ICA1: variants seen among roughly 807,000 people sequenced by gnomAD.
The protein encoded by ICA1 is islet cell autoantigen 1.
Under a neutral mutation model 71.0 loss-of-function variants are expected in ICA1, and 40 were observed. The observed-to-expected ratio is 0.56, with a 90% CI of 0.44 to 0.73. ICA1 has a LOEUF of 0.73. Ranked by LOEUF, ICA1 falls within the 30% of genes least tolerant of loss-of-function variation. ICA1 has a pLI of 0.00. For missense variants in ICA1, 578 were observed against 576.5 expected (o/e 1.00, Z -0.03); for synonymous variants, 207 against 209.5 (o/e 0.99, Z 0.10).
At chr7:8,136,094 T>C (rs1192734924) in intron 12 of ICA1, among the ~76,000 whole-genome samples, 1 of 152,220 alleles carries the variant, frequency 6.6e-6, no homozygotes, top group Non-Finnish European at 1.5e-5. Context: ...ATATTGGTTT[T>C]CCATTATATT....
Position 8,143,893 on chromosome 7 carries a change from G to A in ICA1, c.884C>T (p.Ala295Val), listed in dbSNP as rs201144120. The stretch of plus-strand genomic sequence containing the variant: ...GACTTACTGGCTCGGCTCCTGCACG[G>A]CTGCATCTGTACTTTCCTGCTGGTT... ...KINQQESTDA[A>V]VQEPSQLISL... Residue 295 changes from alanine to valine, a missense_variant, in exon 9 of 14, where the codon GCC (alanine) becomes GTC (valine). Physicochemically the swap from Ala to Val is moderately conservative, Grantham distance 64 (BLOSUM62 0). Transcript: ENST00000402384. 22 of 1,609,834 alleles carry A rather than the reference G, an allele frequency of 1.4e-5. No individual in the cohort carries two copies. In the Admixed American group the frequency reaches 1.5e-4, roughly 11 times the overall value.
chr7:8,240,560 C>T (rs1171003314), intron 1 of ICA1, among the ~76,000 whole-genome samples: 1 of 152,162 alleles, frequency 6.6e-6, no homozygotes, highest in Non-Finnish European at 1.5e-5. Flanking sequence ...TGGAGAATGA[C>T]TTTGACGAGC....
At chr7:8,221,827 A>T (rs557455013) in intron 4 of ICA1, among the ~76,000 whole-genome samples, 1 of 152,240 alleles carries the variant, frequency 6.6e-6, no homozygotes, top group East Asian at 1.9e-4. Context: ...TTTTTGAGTT[A>T]CATTCTATTC....
chr7:8,236,535 T>G (rs957608413), intron 1 of ICA1, among the ~76,000 whole-genome samples: 1 of 152,128 alleles, frequency 6.6e-6, no homozygotes, highest in African/African-American at 2.4e-5. Flanking sequence ...ATAATCAACA[T>G]TTTTAAAGAA....
At chr7:8,245,841 T>C (rs1355308900) in intron 1 of ICA1, among the ~76,000 whole-genome samples, 1 of 152,142 alleles carries the variant, frequency 6.6e-6, no homozygotes, top group East Asian at 1.9e-4. Context: ...TATTGAACAG[T>C]ACAAGTTTCG....
chr7:8,161,292 T>G (rs772115773), intron 6 of ICA1, among the ~76,000 whole-genome samples: 40 of 151,828 alleles, frequency 2.6e-4, no homozygotes, highest in Admixed American at 5.2e-4. Context: ...TATATTATAA[T>G]AGAATGGGAA....
At position 8,223,124 on chromosome 7, in the gene ICA1, A is replaced by G. The variant is rs1797620314; in HGVS notation, c.257-1726T>C. ...ATAAGAAGGTTTTTTGTTTTTTAATACATTCCATTCCTTCTCCTCCCCACT... is the reference window on the plus strand; with the variant it reads ...ATAAGAAGGTTTTTTGTTTTTTAATGCATTCCATTCCTTCTCCTCCCCACT... On this transcript the variant is annotated intron_variant, in intron 4 of 13. Transcript: ENST00000402384. The surrounding 1 kb of genome is among the most constrained non-coding windows in gnomAD (Gnocchi z 4.1). Among the ~76,000 whole-genome samples the G allele has an allele frequency of 6.6e-6, 1 of 152,192 alleles. No homozygotes were observed. Among genetic ancestry groups the G allele is most frequent in the Non-Finnish European group, 1.5e-5 (1 of 68,028 alleles).
At chr7:8,258,642 C>T (rs1811119173) in intron 1 of ICA1, among the ~76,000 whole-genome samples, 1 of 152,188 alleles carries the variant, frequency 6.6e-6, no homozygotes, top group Non-Finnish European at 1.5e-5. Flanking sequence ...ACATAGTAGG[C>T]AGGCTTTGTT....
chr7:8,238,407 A>AT lies in ICA1; in HGVS notation c.-79-2403dup, dbSNP rs201001897. ...TTAGTGATGTTGTGCATCTTTTCAT[A>AT]TTTTTTTGCCATTTGTATATTTTCT... On this transcript the variant is annotated intron_variant, in intron 1 of 13. Coordinates refer to ENST00000402384, the MANE Select transcript of ICA1 (RefSeq NM_001136020.3). Among the ~76,000 whole-genome samples, 211 of 151,964 alleles carry AT rather than the reference A, an allele frequency of 1.4e-3. 1 individual carries two copies. Among genetic ancestry groups the AT allele is most frequent in the South Asian group, 5.8e-3 (28 of 4,804 alleles).
At chr7:8,219,450 T>C (rs1391964326) in intron 5 of ICA1, among the ~76,000 whole-genome samples, 1 of 152,244 alleles carries the variant, frequency 6.6e-6, no homozygotes, top group Non-Finnish European at 1.5e-5. Context: ...ACGTCTGCAA[T>C]GCCTTACGTG....
Position 8,113,959 on chromosome 7 carries a change from C to T in ICA1, c.1416G>A (p.Gly472=). The change falls in exon 14 of 14, where the codon GGG becomes GGA. Residue 472 remains glycine, a synonymous_variant. Coordinates refer to ENST00000402384, the MANE Select transcript of ICA1 (RefSeq NM_001136020.3). This position sits in a 1 kb window ranked among gnomAD's most constrained non-coding sequence, Gnocchi z 4.2. ...GCAATTCGTGTTCTTTATCGGTTTTCCCAACAGCATCAGGATTTGAGAGTG... is the reference window on the plus strand; with the variant it reads ...GCAATTCGTGTTCTTTATCGGTTTTTCCAACAGCATCAGGATTTGAGAGTG... ...LDPLSNPDAV[G]KTDKEHELLN... The T allele has an allele frequency of 6.2e-7, 1 of 1,614,162 alleles. No homozygotes were observed. The highest frequency in any genetic ancestry group is 8.5e-7 in the Non-Finnish European group (1 of 1,180,034).
chr7:8,218,294 AAAC>A lies in ICA1; in HGVS notation c.579+8_579+10del. 6.2e-7 allele frequency: 1 copy of A among 1,613,750 alleles called. No homozygotes were observed. The highest frequency in any genetic ancestry group is 8.5e-7 in the Non-Finnish European group (1 of 1,179,716). On this transcript the variant is annotated splice_region_variant and intron_variant, in intron 6 of 13. Coordinates refer to ENST00000402384, the MANE Select transcript of ICA1 (RefSeq NM_001136020.3). Reference sequence around the variant, plus strand: ...GGTACCCCTTCTGCTAACCCTCATAAAACCTCCTACCTTCCTGAACTTCTCCAT... The same window carrying A: ...GGTACCCCTTCTGCTAACCCTCATAACTCCTACCTTCCTGAACTTCTCCAT...
At chr7:8,158,272 G>T in intron 7 of ICA1, 1 of 446,242 alleles carries the variant, frequency 2.2e-6, no homozygotes, top group South Asian at 3.4e-5. Flanking sequence ...GGATGGAGGA[G>T]AAAGGCACTC....
intron 6 of ICA1, among the ~76,000 whole-genome samples, chr7:8,201,697 A>T (rs1225922014): frequency 2.6e-5 from 4 of 152,160 alleles, no homozygotes; most frequent in Non-Finnish European, 4.4e-5. Flanking sequence ...AGAAATTCAG[A>T]AGATCTTCTA....
At chr7:8,203,238 GT>G (rs34551117) in intron 6 of ICA1, among the ~76,000 whole-genome samples, 73,325 of 151,966 alleles carry the variant, frequency 0.48, 21,790 homozygotes, top group South Asian at 0.74. Context: ...AAACATGCAT[GT>G]AAGTACTAAA....
At chr7:8,159,982 G>A (rs1482491447) in intron 6 of ICA1, among the ~76,000 whole-genome samples, 2 of 152,046 alleles carry the variant, frequency 1.3e-5, no homozygotes, top group African/African-American at 2.4e-5. Flanking sequence ...TAACACTGAT[G>A]TATTAATAAT....
chr7:8,253,876 G>A (rs1348373902), intron 1 of ICA1, among the ~76,000 whole-genome samples: 2 of 152,128 alleles, frequency 1.3e-5, no homozygotes, highest in African/African-American at 4.8e-5. Context: ...CAGTGTGAAG[G>A]AAGAACCAAG....
At chr7:8,139,547 A>C (rs753931510) in intron 10 of ICA1, among the ~76,000 whole-genome samples, 18 of 152,206 alleles carry the variant, frequency 1.2e-4, no homozygotes, top group Non-Finnish European at 2.2e-4. Flanking sequence ...TGGAGGACAC[A>C]GGGGTTTCAG....
intron 1 of ICA1, among the ~76,000 whole-genome samples, chr7:8,254,602 A>C (rs916890705): frequency 6.6e-6 from 1 of 151,142 alleles, no homozygotes; most frequent in Non-Finnish European, 1.5e-5. Context: ...AGAGCTTATA[A>C]AGCACAAGAC....
Sources: allele counts gnomAD v4.1 joint callset (sites outside exome capture counted in the v4.1 genomes callset), GRCh38; gene constraint gnomAD v4.1.1; non-coding constraint Gnocchi (gnomAD v3.1); transcripts MANE v1.5; gene names NCBI Gene and HGNC (gene_info 2026-07-23, HGNC 2026-07-21).